Variants in SLCO3A1 observed in about 807,000 individuals in gnomAD.
The protein encoded by SLCO3A1 is PGE1 transporter.
Under a neutral mutation model 63.1 loss-of-function variants are expected in SLCO3A1, and 27 were observed. The ratio of observed to expected loss-of-function variants is 0.43; its 90% CI spans 0.32 to 0.59. The LOEUF (loss-of-function observed/expected upper bound fraction) is 0.59, where lower values mean the gene tolerates loss of function less well. Among genes scored for constraint, SLCO3A1 ranks in the 20% least tolerant of loss-of-function variants. The pLI is 0.09. For missense variants in SLCO3A1, 773 were observed against 945.8 expected, an observed-to-expected ratio of 0.82 and a Z score of 2.40; for synonymous variants, 473 against 409.9, an observed-to-expected ratio of 1.15 and a Z score of -1.86.
intron 3 of SLCO3A1, among the ~76,000 whole-genome samples, chr15:92,095,714 GGTCAGCAGT>G (rs1458679937): frequency 2.0e-5 from 3 of 152,178 alleles, no homozygotes; most frequent in Non-Finnish European, 4.4e-5. Flanking sequence ...ATGCAGTGTA[GGTCAGCAGT>G]GTCAGGGTCA....
intron 1 of SLCO3A1, among the ~76,000 whole-genome samples, chr15:91,889,563 T>C (rs1188341270): frequency 1.3e-5 from 2 of 152,234 alleles, no homozygotes; most frequent in Non-Finnish European, 2.9e-5. Context: ...TGCTGTTCGC[T>C]TAGTGTCATA....
chr15:91,972,437 G>A (rs1451012164), intron 2 of SLCO3A1, among the ~76,000 whole-genome samples: 3 of 152,102 alleles, frequency 2.0e-5, no homozygotes, highest in South Asian at 2.1e-4. Context: ...TCTCCATGAC[G>A]TGAGGGTACA....
chr15:92,047,719 A>C (rs2046907009), intron 2 of SLCO3A1, among the ~76,000 whole-genome samples: 2 of 142,390 alleles, frequency 1.4e-5, no homozygotes, highest in Non-Finnish European at 3.0e-5. Flanking sequence ...GTGTCATTCA[A>C]AACCTATGTG....
intron 2 of SLCO3A1, among the ~76,000 whole-genome samples, chr15:91,933,586 T>C (rs573769839): frequency 1.3e-5 from 2 of 152,208 alleles, no homozygotes; most frequent in East Asian, 1.9e-4. Context: ...AAGCAGTACA[T>C]AGAGACATAG....
intron 2 of SLCO3A1, among the ~76,000 whole-genome samples, chr15:92,087,157 C>T (rs1391725595): frequency 1.3e-5 from 2 of 151,204 alleles, no homozygotes; most frequent in Non-Finnish European, 2.9e-5. Flanking sequence ...CCCACCACCC[C>T]CCTCCCTCCG....
At chr15:91,926,596 T>TGTGTGTGTGTGTGTGTGG in intron 2 of SLCO3A1, among the ~76,000 whole-genome samples, 56 of 105,256 alleles carry the variant, frequency 5.3e-4, no homozygotes, top group African/African-American at 1.8e-3. Context: ...TGTGTGTGTG[T>TGTGTGTGTGTGTGTGTGG]GCGCGCGCGC....
At position 91,941,539 on chromosome 15, in the gene SLCO3A1, T is replaced by C. The variant is rs963613218; in HGVS notation, c.646+25081T>C. The stretch of plus-strand genomic sequence containing the variant: ...TACCTAGCTTTTCTGAGCCTCACTT[T>C]CTTGGCAATTAGATGAACCAGAGGT... On this transcript the variant is annotated intron_variant, in intron 2 of 9. Transcript: ENST00000318445. This position sits in a 1 kb window ranked among gnomAD's most constrained non-coding sequence, Gnocchi z 4.4. The C allele has an allele frequency of 2.2e-6, 1 of 456,024 alleles. No homozygotes were observed. The highest frequency in any genetic ancestry group is 2.0e-5 in the African/African-American group (1 of 50,188). The allele number at this position is 456,024 out of a possible 1,614,324, so 28.2% of individuals were successfully genotyped here. A position where few individuals can be genotyped will look rare whatever the true frequency, so the allele number is the denominator to read the frequency against.
At chr15:92,136,108 T>C (rs1405843589) in intron 7 of SLCO3A1, among the ~76,000 whole-genome samples, 6 of 152,084 alleles carry the variant, frequency 3.9e-5, no homozygotes, top group Non-Finnish European at 5.9e-5. Context: ...AGACCTCATC[T>C]CTGAAAAAAG....
intron 2 of SLCO3A1, among the ~76,000 whole-genome samples, chr15:92,041,253 G>T (rs950617420): frequency 6.6e-6 from 1 of 152,164 alleles, no homozygotes. Flanking sequence ...GTATAGTACA[G>T]GTATGTTTCC....
chr15:92,027,341 T>C (rs1332471622), intron 2 of SLCO3A1, among the ~76,000 whole-genome samples: 9 of 152,272 alleles, frequency 5.9e-5, no homozygotes. Flanking sequence ...GAGATAAACT[T>C]TGTGTAAGAC....
At chr15:92,009,089 G>A (rs936404085) in intron 2 of SLCO3A1, among the ~76,000 whole-genome samples, 1 of 152,166 alleles carries the variant, frequency 6.6e-6, no homozygotes, top group Non-Finnish European at 1.5e-5. Context: ...GTGCCAATGT[G>A]TTTTTCTTCT....
At chr15:91,946,708 T>C (rs1169651454) in intron 2 of SLCO3A1, among the ~76,000 whole-genome samples, 1 of 152,178 alleles carries the variant, frequency 6.6e-6, no homozygotes, top group Non-Finnish European at 1.5e-5. Context: ...TAAATATGTC[T>C]ATGATGCAGT....
In SLCO3A1 at chr15:91,882,208, C is replaced by T. The variant is rs1188752409; in HGVS notation, c.180+28120C>T. On this transcript the variant is annotated intron_variant, in intron 1 of 9. Transcript: ENST00000318445. This position sits in a 1 kb window ranked among gnomAD's most constrained non-coding sequence, Gnocchi z 4.4. ...AGTGAGATCTATGCACAGGAGGGGG[C>T]ATGTGAGGACTGAAACTCAGTGTGA... is the stretch of plus-strand genomic sequence containing the variant. 6.6e-6 allele frequency among the ~76,000 whole-genome samples: 1 copy of T among 152,112 alleles called. No individual in the cohort carries two copies. Among genetic ancestry groups the T allele is most frequent in the Non-Finnish European group, 1.5e-5 (1 of 68,010 alleles).
intron 1 of SLCO3A1, among the ~76,000 whole-genome samples, chr15:91,891,856 G>C (rs985474377): frequency 5.9e-5 from 9 of 152,314 alleles, no homozygotes; most frequent in African/African-American, 2.2e-4. Context: ...AGGCCATACT[G>C]TCTCTGTTGC....
At chr15:92,160,275 A>G (rs936144524) in intron 9 of SLCO3A1, among the ~76,000 whole-genome samples, 3 of 152,268 alleles carry the variant, frequency 2.0e-5, no homozygotes, top group South Asian at 2.1e-4. Flanking sequence ...TCCATCTGTA[A>G]TACACACTGG....
Position 92,163,726 on chromosome 15 carries a change from C to A in SLCO3A1, c.*591C>A. 1.0e-6 allele frequency: 1 copy of A among 985,334 alleles called. No individual in the cohort carries two copies. The highest frequency in any genetic ancestry group is 1.2e-6 in the Non-Finnish European group (1 of 829,940). The allele number at this position is 985,334 out of a possible 1,614,324, so 61.0% of individuals were successfully genotyped here. ...AATATGGGTCACTGTGTAGACGACT[C>A]ACCCAGTCTGCATGTGGTTCAAGGC... On this transcript the variant is annotated 3_prime_UTR_variant, in exon 10 of 10. Coordinates refer to ENST00000318445, the MANE Select transcript of SLCO3A1 (RefSeq NM_013272.4).
chr15:92,121,208 G>A lies in SLCO3A1; in HGVS notation c.1174+579G>A, dbSNP rs74687784. On this transcript the variant is annotated intron_variant, in intron 5 of 9. Coordinates refer to ENST00000318445, the MANE Select transcript of SLCO3A1 (RefSeq NM_013272.4). ...AACCAGTTTGCACTCATGAGAAGCA[G>A]TGTTGCTCAGGCAGGGTAAGGAATG... Among the ~76,000 whole-genome samples the A allele has an allele frequency of 3.9e-3, 594 of 152,370 alleles. 2 individuals carry two copies. Among genetic ancestry groups the A allele is most frequent in the African/African-American group, 0.013 (558 of 41,594 alleles).
rs1346610496 is a variant in SLCO3A1, at chr15:92,073,051, C to T, written c.647-21830C>T. ...CACATTCAGATCCCACCCCTTTCCCCCATCCTTTGCCCGGTAAGCCATGCA... is the reference window on the plus strand; with the variant it reads ...CACATTCAGATCCCACCCCTTTCCCTCATCCTTTGCCCGGTAAGCCATGCA... On this transcript the variant is annotated intron_variant, in intron 2 of 9. Transcript: ENST00000318445. 2.0e-5 allele frequency among the ~76,000 whole-genome samples: 3 copies of T among 152,234 alleles called. No homozygotes were observed. The South Asian group carries it at 6.2e-4, about 32-fold the overall frequency.
intron 2 of SLCO3A1, among the ~76,000 whole-genome samples, chr15:92,091,761 C>G (rs867000135): frequency 2.9e-4 from 44 of 152,276 alleles, no homozygotes; most frequent in African/African-American, 1.0e-3. Flanking sequence ...AGGAAGATGC[C>G]TTTTATACCA....
Sources: gnomAD v4.1 joint callset for allele counts (sites outside exome capture counted in the v4.1 genomes callset) on GRCh38, gnomAD v4.1.1 for gene constraint, Gnocchi (gnomAD v3.1) non-coding constraint, MANE v1.5 for transcripts, NCBI Gene and HGNC (gene_info 2026-07-23, HGNC 2026-07-21) for gene names.